BTG4: variants seen among roughly 807,000 people sequenced by gnomAD.
BTG4 encodes BTG anti-proliferation factor 4.
BTG4 carries 10 observed loss-of-function variants against 19.3 expected under a neutral mutation model. That is an observed-to-expected ratio of 0.52 (90% CI 0.32 to 0.88). The LOEUF is 0.88. Ranked by LOEUF, BTG4 falls within the 40% of genes least tolerant of loss-of-function variation. BTG4 has a pLI of 0.04. For missense variants in BTG4, 238 were observed against 281.9 expected, an observed-to-expected ratio of 0.84 and a Z score of 1.11; for synonymous variants, 91 against 95.7, an observed-to-expected ratio of 0.95 and a Z score of 0.29.
chr11:111,400,482 G>A, the BTG4 span, among the ~76,000 whole-genome samples: 2 of 152,268 alleles, frequency 1.3e-5, no homozygotes, highest in East Asian at 3.9e-4. Flanking sequence ...ACAAAGTGCA[G>A]TACAAACATA....
chr11:111,419,173 T>C, the BTG4 span, among the ~76,000 whole-genome samples: 1 of 152,208 alleles, frequency 6.6e-6, no homozygotes, highest in Admixed American at 6.5e-5. Flanking sequence ...GTACTGGGGA[T>C]TAGGAAGTCA....
the BTG4 span, among the ~76,000 whole-genome samples, chr11:111,398,522 C>T: frequency 1.3e-5 from 2 of 152,026 alleles, no homozygotes; most frequent in African/African-American, 4.8e-5. Flanking sequence ...GGCTCAATCT[C>T]GGCTCACTGC....
the BTG4 span, among the ~76,000 whole-genome samples, chr11:111,421,415 C>T: frequency 2.0e-5 from 3 of 152,182 alleles, no homozygotes; most frequent in Non-Finnish European, 4.4e-5. Context: ...TACTTTGCTT[C>T]TAGCAAGCAC....
chr11:111,438,433 T>C, the BTG4 span, among the ~76,000 whole-genome samples: 1 of 152,216 alleles, frequency 6.6e-6, no homozygotes, highest in Middle Eastern at 3.2e-3. Flanking sequence ...GACTCTGTTC[T>C]TTCTCTGTGA....
chr11:111,477,682 T>C (rs1372836716), intron 5 of BTG4, among the ~76,000 whole-genome samples: 2 of 152,070 alleles, frequency 1.3e-5, no homozygotes, highest in South Asian at 2.1e-4. Context: ...AAAGATTTTC[T>C]TTCCCCATCG....
chr11:111,492,226 G>GT (rs1280069637), downstream of BTG4, among the ~76,000 whole-genome samples: 1 of 152,176 alleles, frequency 6.6e-6, no homozygotes, highest in East Asian at 1.9e-4. Context: ...CTGCTGGCTG[G>GT]AAGAAATGTT....
At chr11:111,388,816 C>T in the BTG4 span, among the ~76,000 whole-genome samples, 10 of 152,198 alleles carry the variant, frequency 6.6e-5, no homozygotes, top group Non-Finnish European at 1.3e-4. Flanking sequence ...CTGACCAATG[C>T]CCTGTTCCCC....
intron 4 of BTG4, among the ~76,000 whole-genome samples, chr11:111,496,252 T>A (rs1473760223): frequency 6.6e-6 from 1 of 152,146 alleles, no homozygotes; most frequent in Non-Finnish European, 1.5e-5. Flanking sequence ...TAGAAAAAAA[T>A]GGCAAAGTTG....
the BTG4 span, chr11:111,414,858 G>C: frequency 1.3e-5 from 2 of 152,278 alleles, no homozygotes; most frequent in Non-Finnish European, 2.9e-5. Flanking sequence ...GAAACTTGAA[G>C]CCTGAAGTCG....
intron 5 of BTG4, among the ~76,000 whole-genome samples, chr11:111,473,708 T>C (rs936157563): frequency 1.3e-5 from 2 of 151,880 alleles, no homozygotes; most frequent in African/African-American, 4.8e-5. Flanking sequence ...AAAATGAAAA[T>C]AGTAAAAAAG....
At chr11:111,466,616 T>C (rs1395819669), downstream of BTG4, 1 of 152,100 alleles carries the variant, frequency 6.6e-6, no homozygotes, top group African/African-American at 2.4e-5. Flanking sequence ...GGTGGATGGA[T>C]GGATGGATGG....
At chr11:111,396,959 C>T in the BTG4 span, 1 of 152,188 alleles carries the variant, frequency 6.6e-6, no homozygotes, top group Non-Finnish European at 1.5e-5. Context: ...TATTCATTGC[C>T]ACTGGCTAGG....
chr11:111,458,902 A>G, the BTG4 span, among the ~76,000 whole-genome samples: 1 of 151,884 alleles, frequency 6.6e-6, no homozygotes, highest in South Asian at 2.1e-4. Context: ...ATTAAAACTA[A>G]CCCCTCCCTG....
At chr11:111,485,386 A>G (rs2135593888) in intron 5 of BTG4, among the ~76,000 whole-genome samples, 1 of 152,340 alleles carries the variant, frequency 6.6e-6, no homozygotes, top group South Asian at 2.1e-4. Context: ...TTTTTTAAAA[A>G]ATGAAATCAT....
the BTG4 span, among the ~76,000 whole-genome samples, chr11:111,393,486 T>C: frequency 1.5e-4 from 23 of 152,220 alleles, no homozygotes; most frequent in Admixed American, 1.3e-3. Context: ...TCCAGGATGC[T>C]GGTTGCCCAA....
chr11:111,502,118 T>A (rs1260164354), intron 1 of BTG4, among the ~76,000 whole-genome samples: 4 of 151,982 alleles, frequency 2.6e-5, no homozygotes, highest in Non-Finnish European at 4.4e-5. Flanking sequence ...AATGTCTGCC[T>A]CCTATCCCTT....
At chr11:111,411,460 C>A in the BTG4 span, among the ~76,000 whole-genome samples, 4 of 152,216 alleles carry the variant, frequency 2.6e-5, no homozygotes, top group Admixed American at 2.6e-4. Context: ...ACCAAGGCAG[C>A]CTTCCCTGGC....
At chr11:111,385,943 C>T in the BTG4 span, 41,597 of 152,056 alleles carry the variant, frequency 0.27, 6,886 homozygotes, top group Non-Finnish European at 0.38. Flanking sequence ...GTGGGAGGAT[C>T]GCTTGAGCCC....
intron 1 of BTG4, among the ~76,000 whole-genome samples, chr11:111,508,772 T>C (rs1173767423): frequency 6.7e-6 from 1 of 149,444 alleles, no homozygotes; most frequent in Non-Finnish European, 1.5e-5. Flanking sequence ...ATAAATAGAA[T>C]ATATAACACA....
Sources: allele counts gnomAD v4.1 joint callset (sites outside exome capture counted in the v4.1 genomes callset), GRCh38; gene constraint gnomAD v4.1.1; transcripts MANE v1.5; gene names NCBI Gene and HGNC (gene_info 2026-07-23, HGNC 2026-07-21).